Variants in SCFD2 observed in about 807,000 individuals in gnomAD.
The protein encoded by SCFD2 is sec1 family domain containing 2, also known as sec1 family domain-containing protein 2.
Under a neutral mutation model 58.9 loss-of-function variants are expected in SCFD2, and 54 were observed. That is an observed-to-expected ratio of 0.92 (90% CI 0.74 to 1.15). The LOEUF (loss-of-function observed/expected upper bound fraction) is 1.15, where lower values mean the gene tolerates loss of function less well. Ranked by LOEUF, SCFD2 falls within the 50% of genes most tolerant of loss-of-function variation. The probability of loss-of-function intolerance (pLI) is 0.00; values close to 1 mark genes in which losing one functional copy is unlikely to be tolerated. For synonymous variants in SCFD2, 321 were observed against 335.9 expected (o/e 0.96, Z 0.49); for missense variants, 805 against 836.6 (o/e 0.96, Z 0.47).
At chr4:53,164,278 G>C (rs1726937972) in intron 4 of SCFD2, among the ~76,000 whole-genome samples, 1 of 152,036 alleles carries the variant, frequency 6.6e-6, no homozygotes, top group Non-Finnish European at 1.5e-5. Context: ...CTGAGTCTTG[G>C]CCACTTGTTC....
intron 4 of SCFD2, among the ~76,000 whole-genome samples, chr4:53,166,858 A>G (rs999520603): frequency 3.3e-5 from 5 of 151,112 alleles, no homozygotes; most frequent in African/African-American, 1.2e-4. Context: ...AGGACTCCAC[A>G]TACTGAATTC....
chr4:52,985,222 C>T (rs903550070), intron 5 of SCFD2, among the ~76,000 whole-genome samples: 7 of 152,184 alleles, frequency 4.6e-5, no homozygotes, highest in Admixed American at 2.6e-4. Flanking sequence ...CCTGCTCCCT[C>T]CCAGGTATGA....
intron 5 of SCFD2, among the ~76,000 whole-genome samples, chr4:53,118,842 G>GT (rs998723708): frequency 6.6e-6 from 1 of 151,126 alleles, no homozygotes; most frequent in African/African-American, 2.4e-5. Context: ...AGGCATCTAC[G>GT]TAAAAAAAAA....
At chr4:52,897,199 C>T (rs376804726) in intron 7 of SCFD2, among the ~76,000 whole-genome samples, 3 of 152,112 alleles carry the variant, frequency 2.0e-5, no homozygotes, top group Admixed American at 6.5e-5. Flanking sequence ...CTATGTTGAA[C>T]AGGAGTGGTG....
At chr4:53,179,834 A>C (rs1280092211) in intron 4 of SCFD2, among the ~76,000 whole-genome samples, 1 of 152,218 alleles carries the variant, frequency 6.6e-6, no homozygotes, top group Admixed American at 6.5e-5. Flanking sequence ...AAACAAAAAA[A>C]GGCAGGGGTT....
At chr4:52,976,983 G>A (rs1175117274) in intron 5 of SCFD2, among the ~76,000 whole-genome samples, 1 of 152,076 alleles carries the variant, frequency 6.6e-6, no homozygotes, top group Non-Finnish European at 1.5e-5. Context: ...GGCTGTTGGA[G>A]GATTTAAAGA....
chr4:53,022,518 T>C (rs1722373833), intron 5 of SCFD2, among the ~76,000 whole-genome samples: 1 of 152,180 alleles, frequency 6.6e-6, no homozygotes, highest in African/African-American at 2.4e-5. Flanking sequence ...TCTAGCAAAT[T>C]GGAGGTCAGA....
intron 4 of SCFD2, among the ~76,000 whole-genome samples, chr4:53,272,384 A>G (rs1269533356): frequency 6.6e-6 from 1 of 152,230 alleles, no homozygotes; most frequent in African/African-American, 2.4e-5. Context: ...TCATGCCGCT[A>G]TAAAGACACA....
intron 5 of SCFD2, among the ~76,000 whole-genome samples, chr4:53,017,476 T>C (rs973851526): frequency 4.6e-5 from 7 of 152,214 alleles, no homozygotes; most frequent in Non-Finnish European, 7.3e-5. Flanking sequence ...ATACAGGTTT[T>C]ATAAACCTAA....
chr4:52,997,456 T>A, intron 5 of SCFD2, among the ~76,000 whole-genome samples: 1 of 152,204 alleles, frequency 6.6e-6, no homozygotes, highest in East Asian at 1.9e-4. Context: ...CAGGAGCACG[T>A]GCAGAAAGAC....
At chr4:53,290,908 TAA>T (rs1396507734) in intron 3 of SCFD2, among the ~76,000 whole-genome samples, 2 of 152,024 alleles carry the variant, frequency 1.3e-5, no homozygotes, top group Non-Finnish European at 2.9e-5. Context: ...AATAAGCAAT[TAA>T]AGTTTGAACA....
At chr4:53,136,298 G>C (rs1214821258) in intron 5 of SCFD2, among the ~76,000 whole-genome samples, 1 of 152,164 alleles carries the variant, frequency 6.6e-6, no homozygotes, top group African/African-American at 2.4e-5. Context: ...TTGGTGATTT[G>C]AGGCAAGTCA....
chr4:53,350,937 T>C (rs1169467524), intron 2 of SCFD2, among the ~76,000 whole-genome samples: 1 of 152,172 alleles, frequency 6.6e-6, no homozygotes, highest in African/African-American at 2.4e-5. Context: ...CTCAAACTCC[T>C]GACCTCAGGT....
intron 5 of SCFD2, among the ~76,000 whole-genome samples, chr4:52,959,927 T>TACACACACACACACACACACAC (rs773748716): frequency 0.013 from 1,545 of 116,042 alleles, 19 homozygotes; most frequent in African/African-American, 0.029. Flanking sequence ...CACACACACT[T>TACACACACACACACACACACAC]GAATCACCTA....
chr4:53,256,545 T>C (rs1301348839), intron 4 of SCFD2, among the ~76,000 whole-genome samples: 2 of 152,190 alleles, frequency 1.3e-5, no homozygotes, highest in Admixed American at 6.5e-5. Flanking sequence ...GAGGTGGTTG[T>C]AGTGAGCTGA....
At chr4:53,186,846 A>G (rs879827981) in intron 4 of SCFD2, among the ~76,000 whole-genome samples, 11 of 152,010 alleles carry the variant, frequency 7.2e-5, no homozygotes, top group African/African-American at 1.4e-4. Context: ...AGTTTATTCA[A>G]CCGTAAAATG....
intron 5 of SCFD2, among the ~76,000 whole-genome samples, chr4:53,051,332 A>C (rs1723186074): frequency 6.6e-6 from 1 of 152,136 alleles, no homozygotes; most frequent in African/African-American, 2.4e-5. Context: ...GGGGGCATGC[A>C]ACTGTATGCA....
intron 4 of SCFD2, among the ~76,000 whole-genome samples, chr4:53,262,708 A>G (rs1332710978): frequency 6.6e-6 from 1 of 152,194 alleles, no homozygotes; most frequent in Non-Finnish European, 1.5e-5. Context: ...TTGACTTTAG[A>G]TAGCCTGATG....
At chr4:53,159,034 A>G (rs575786964) in intron 4 of SCFD2, among the ~76,000 whole-genome samples, 22 of 152,168 alleles carry the variant, frequency 1.4e-4, no homozygotes, top group Non-Finnish European at 2.9e-5. Flanking sequence ...ATCTATTCAT[A>G]TCTAGCTTTC....
Sources: gnomAD v4.1 joint callset for allele counts (sites outside exome capture counted in the v4.1 genomes callset) on GRCh38, gnomAD v4.1.1 for gene constraint, MANE v1.5 for transcripts, NCBI Gene and HGNC (gene_info 2026-07-23, HGNC 2026-07-21) for gene names.